The following SLC14A2 variants were observed in gnomAD, a reference collection of about 807,000 sequenced individuals.
The protein encoded by SLC14A2 is urea transporter 2.
Under a neutral mutation model 104.6 loss-of-function variants are expected in SLC14A2, and 91 were observed. That is an observed-to-expected ratio of 0.87 (90% confidence interval 0.73 to 1.04). The LOEUF (loss-of-function observed/expected upper bound fraction) is 1.04. Among genes scored for constraint, SLC14A2 ranks in the 50% least tolerant of loss-of-function variants. The probability of loss-of-function intolerance (pLI) is 0.00; values close to 1 mark genes in which losing one functional copy is unlikely to be tolerated. For missense variants in SLC14A2, 1,189 were observed against 1,156.0 expected (o/e 1.03, Z -0.41); for synonymous variants, 476 against 466.4 (o/e 1.02, Z -0.27).
At chr18:45,511,086 C>T (rs1266940436) in intron 2 of SLC14A2, among the ~76,000 whole-genome samples, 8 of 142,582 alleles carry the variant, frequency 5.6e-5, no homozygotes, top group African/African-American at 2.0e-4. Context: ...GTTAACTCCC[C>T]TTTTATTGTT....
At chr18:45,250,586 C>T (rs2084411071) in intron 1 of SLC14A2, among the ~76,000 whole-genome samples, 1 of 151,994 alleles carries the variant, frequency 6.6e-6, no homozygotes, top group Admixed American at 6.5e-5. Flanking sequence ...CTTCCCATTG[C>T]CCTTGTCTCC....
At chr18:45,242,983 T>C (rs2084332722) in intron 1 of SLC14A2, among the ~76,000 whole-genome samples, 2 of 152,230 alleles carry the variant, frequency 1.3e-5, no homozygotes, top group African/African-American at 2.4e-5. Context: ...TAGCCATTCC[T>C]TTAGAGCTTA....
At chr18:45,528,180 T>C (rs1217094651) in intron 2 of SLC14A2, 2 of 8,526 alleles carry the variant, frequency 2.3e-4, no homozygotes. Context: ...TGTGTGTGTG[T>C]GCGGGGGGGG....
At chr18:45,355,056 C>G (rs938933694) in intron 1 of SLC14A2, among the ~76,000 whole-genome samples, 2 of 152,194 alleles carry the variant, frequency 1.3e-5, no homozygotes, top group Admixed American at 6.5e-5. Flanking sequence ...GGAAACAGGG[C>G]TCCTTCACCT....
At chr18:45,181,920 T>C in the SLC14A2 span, among the ~76,000 whole-genome samples, 28 of 152,270 alleles carry the variant, frequency 1.8e-4, no homozygotes, top group African/African-American at 6.5e-4. Context: ...GCCATTTCTC[T>C]TTAAAAACTT....
intron 5 of SLC14A2, among the ~76,000 whole-genome samples, chr18:45,635,579 A>G (rs2045406156): frequency 1.3e-5 from 2 of 152,178 alleles, no homozygotes; most frequent in South Asian, 4.1e-4. Context: ...TGGTGTAATG[A>G]GGGCACACAC....
the SLC14A2 span, among the ~76,000 whole-genome samples, chr18:45,171,919 C>T: frequency 5.3e-5 from 8 of 152,074 alleles, no homozygotes; most frequent in South Asian, 2.1e-4. Context: ...CGTTAGCCCT[C>T]GGTGGGGCAA....
chr18:45,223,926 T>C (rs1247160354), intron 1 of SLC14A2, among the ~76,000 whole-genome samples: 1 of 152,188 alleles, frequency 6.6e-6, no homozygotes, highest in Admixed American at 6.5e-5. Flanking sequence ...AAATTGCTAT[T>C]ATGTCAGCTT....
chr18:45,285,327 G>A (rs939988634), intron 1 of SLC14A2, among the ~76,000 whole-genome samples: 17 of 152,176 alleles, frequency 1.1e-4, no homozygotes, highest in Admixed American at 4.6e-4. Flanking sequence ...TTCATTTACT[G>A]TATATGAATT....
intron 1 of SLC14A2, among the ~76,000 whole-genome samples, chr18:45,438,562 G>A (rs1025732054): frequency 6.6e-6 from 1 of 152,176 alleles, no homozygotes; most frequent in African/African-American, 2.4e-5. Flanking sequence ...GTTTAAGACT[G>A]TGTTTAAGAT....
intron 2 of SLC14A2, among the ~76,000 whole-genome samples, chr18:45,609,567 A>G (rs2044935614): frequency 2.6e-5 from 4 of 152,162 alleles, no homozygotes; most frequent in Non-Finnish European, 4.4e-5. Context: ...GGGTACCACA[A>G]TTAAAGCCTC....
At chr18:45,215,261 A>G (rs1169263805) in intron 1 of SLC14A2, among the ~76,000 whole-genome samples, 1 of 152,236 alleles carries the variant, frequency 6.6e-6, no homozygotes, top group African/African-American at 2.4e-5. Context: ...CTTTGTGCTG[A>G]GTTCTATTGT....
At chr18:45,174,520 T>A in the SLC14A2 span, among the ~76,000 whole-genome samples, 68 of 151,976 alleles carry the variant, frequency 4.5e-4, no homozygotes, top group African/African-American at 1.5e-3. Context: ...GTGGAGAGAG[T>A]CTGCCAGAAT....
intron 2 of SLC14A2, among the ~76,000 whole-genome samples, chr18:45,521,765 A>C (rs2043520083): frequency 6.6e-6 from 1 of 152,102 alleles, no homozygotes; most frequent in Non-Finnish European, 1.5e-5. Context: ...AGGTTCCCAC[A>C]GAATCAGAAT....
intron 2 of SLC14A2, among the ~76,000 whole-genome samples, chr18:45,519,904 G>A (rs1568255974): frequency 6.6e-6 from 1 of 152,180 alleles, no homozygotes; most frequent in Non-Finnish European, 1.5e-5. Flanking sequence ...GAATTAACAG[G>A]CTGGTGCCAC....
chr18:45,170,572 G>A, the SLC14A2 span, among the ~76,000 whole-genome samples: 9 of 152,306 alleles, frequency 5.9e-5, no homozygotes, highest in East Asian at 1.7e-3. Context: ...GACAGAAATT[G>A]TAGGTTAAAG....
rs568480398 is a variant in SLC14A2, at chr18:45,559,181, A to G, written c.-34-65450A>G. Among the ~76,000 whole-genome samples the G allele has an allele frequency of 8.7e-4, 132 of 152,328 alleles. 1 individual carries two copies. The highest frequency in any genetic ancestry group is 3.1e-3 in the African/African-American group (129 of 41,576). On this transcript the variant is annotated intron_variant, in intron 2 of 20. Coordinates refer to the SLC14A2 transcript ENST00000586448. ...TCAGTTCTCTCAGGGGGCTCATAGT[A>G]TAAAAGAAAAGATGAGATACGTAAG...
chr18:45,336,712 C>G (rs947682736), intron 1 of SLC14A2, among the ~76,000 whole-genome samples: 3 of 152,150 alleles, frequency 2.0e-5, no homozygotes, highest in Non-Finnish European at 2.9e-5. Context: ...CCATATTTCA[C>G]ATGGAAATGT....
intron 2 of SLC14A2, among the ~76,000 whole-genome samples, chr18:45,570,501 G>T (rs952967931): frequency 2.0e-5 from 3 of 152,206 alleles, no homozygotes; most frequent in Admixed American, 6.5e-5. Context: ...TGCAGGCACT[G>T]AGTCCATTGC....
Sources: gnomAD v4.1 joint callset for allele counts (sites outside exome capture counted in the v4.1 genomes callset) on GRCh38, gnomAD v4.1.1 for gene constraint, MANE v1.5 for transcripts, NCBI Gene and HGNC (gene_info 2026-07-23, HGNC 2026-07-21) for gene names.